OMA1: variants seen among roughly 807,000 people sequenced by gnomAD.
The protein encoded by OMA1 is metalloendopeptidase OMA1, mitochondrial.
In OMA1, 38 loss-of-function variants were observed where a neutral mutation model predicts 30.9. The ratio of observed to expected loss-of-function variants is 1.23; its 90% CI spans 0.95 to 1.61. The LOEUF (loss-of-function observed/expected upper bound fraction) is 1.61, where lower values mean the gene tolerates loss of function less well. Ranked by LOEUF, OMA1 falls within the 40% of genes most tolerant of loss-of-function variation. The pLI, the probability that OMA1 is intolerant of heterozygous loss-of-function variation, is 0.00. For synonymous variants in OMA1, 173 were observed against 121.9 expected, an observed-to-expected ratio of 1.42 and a Z score of -2.76; for missense variants, 461 against 349.2, an observed-to-expected ratio of 1.32 and a Z score of -2.55.
intron 7 of OMA1, among the ~76,000 whole-genome samples, chr1:58,518,792 T>C (rs1282280009): frequency 6.6e-6 from 1 of 152,012 alleles, no homozygotes; most frequent in African/African-American, 2.4e-5. Context: ...ATCTGTGAAA[T>C]AAAGAAGAGG....
intron 6 of OMA1, among the ~76,000 whole-genome samples, chr1:58,529,264 T>C (rs1473857294): frequency 6.6e-6 from 1 of 152,200 alleles, no homozygotes; most frequent in African/African-American, 2.4e-5. Context: ...AGCACCCAGA[T>C]GGCACTCTGA....
chr1:58,531,367 TGAAA>T (rs915073528), intron 5 of OMA1, among the ~76,000 whole-genome samples: 2 of 152,306 alleles, frequency 1.3e-5, no homozygotes, highest in African/African-American at 4.8e-5. Context: ...GTATTTATCA[TGAAA>T]GAATCAGGTT....
intron 7 of OMA1, among the ~76,000 whole-genome samples, chr1:58,516,350 C>G (rs1646157823): frequency 1.3e-5 from 2 of 152,148 alleles, no homozygotes; most frequent in South Asian, 4.1e-4. Context: ...TCTATAATGA[C>G]TGCAAAGTGT....
In OMA1 at chr1:58,539,314, A is replaced by G; in HGVS notation, c.-16-4T>C. 1.2e-6 allele frequency: 1 copy of G among 800,886 alleles called. No homozygotes were observed. Among genetic ancestry groups the G allele is most frequent in the East Asian group, 2.4e-5 (1 of 41,302 alleles). 49.6% of individuals were successfully genotyped at this position (800,886 alleles called of 1,614,324 possible). A position where few individuals can be genotyped will look rare whatever the true frequency, so the allele number is the denominator to read the frequency against. Reference sequence around the variant, plus strand: ...GCTCATTTTTTCACTTGACTACCTGAAACAAAAAAAAAACTATAAATATCT... The same window carrying G: ...GCTCATTTTTTCACTTGACTACCTGGAACAAAAAAAAAACTATAAATATCT... On this transcript the variant is annotated splice_polypyrimidine_tract_variant and splice_region_variant and intron_variant, in intron 1 of 8. Transcript: ENST00000371226.
intron 3 of OMA1, among the ~76,000 whole-genome samples, chr1:58,535,072 T>C (rs904403715): frequency 6.6e-6 from 1 of 152,160 alleles, no homozygotes; most frequent in African/African-American, 2.4e-5. Flanking sequence ...ACTACCAAAA[T>C]AGACATTTCA....
intron 8 of OMA1, among the ~76,000 whole-genome samples, chr1:58,485,093 T>C (rs980557384): frequency 2.6e-5 from 4 of 152,058 alleles, no homozygotes; most frequent in Admixed American, 1.3e-4. Context: ...TAACTAATAT[T>C]ATCACTCTGG....
At chr1:58,535,278 T>G (rs950927494) in intron 3 of OMA1, among the ~76,000 whole-genome samples, 12 of 152,190 alleles carry the variant, frequency 7.9e-5, no homozygotes, top group African/African-American at 2.7e-4. Flanking sequence ...TTACTTTAAC[T>G]TTCATAAAGT....
chr1:58,504,185 T>C (rs1162354905), intron 8 of OMA1, among the ~76,000 whole-genome samples: 1 of 152,246 alleles, frequency 6.6e-6, no homozygotes, highest in Non-Finnish European at 1.5e-5. Context: ...TCACTTGAAG[T>C]GAAAGTCAAG....
intron 8 of OMA1, among the ~76,000 whole-genome samples, chr1:58,492,944 C>A (rs2100382621): frequency 6.6e-6 from 1 of 152,236 alleles, no homozygotes; most frequent in East Asian, 1.9e-4. Context: ...GATACCAAAG[C>A]CTGGCAGAGA....
chr1:58,485,636 A>G (rs992079972), intron 8 of OMA1, among the ~76,000 whole-genome samples: 2 of 151,826 alleles, frequency 1.3e-5, no homozygotes, highest in Non-Finnish European at 1.5e-5. Context: ...TTCATTTTAT[A>G]TATTTCAGGG....
intron 7 of OMA1, among the ~76,000 whole-genome samples, chr1:58,522,422 T>C (rs1156413190): frequency 1.3e-5 from 2 of 152,182 alleles, no homozygotes; most frequent in Non-Finnish European, 2.9e-5. Flanking sequence ...AACTCTTTCA[T>C]TTGATAAAAA....
At position 58,490,763 on chromosome 1, in the gene OMA1, C is replaced by T. The variant is rs190408790; in HGVS notation, c.1366-9589G>A. On this transcript the variant is annotated intron_variant, in intron 8 of 8. Coordinates refer to ENST00000371226, the MANE Select transcript of OMA1 (RefSeq NM_145243.5). ...GATCTCTCAGCAGAAACTCTACAAG[C>T]CAGAAGAGAGTGGGGGCCAATAGTC... Among the ~76,000 whole-genome samples the T allele has an allele frequency of 7.5e-3, 1,112 of 148,954 alleles. 12 individuals are homozygous for T. The highest frequency in any genetic ancestry group is 0.026 in the African/African-American group (1,033 of 40,402).
chr1:58,490,325 T>G (rs1645658539), intron 8 of OMA1, among the ~76,000 whole-genome samples: 1 of 151,998 alleles, frequency 6.6e-6, no homozygotes, highest in Non-Finnish European at 1.5e-5. Flanking sequence ...TTCGATCAAC[T>G]GGAAGAAAAG....
chr1:58,526,601 C>CAA lies in OMA1; in HGVS notation c.1215+658_1215+659dup, dbSNP rs10574530. On this transcript the variant is annotated intron_variant, in intron 7 of 8. Transcript: ENST00000371226. ...GCCCAGAGCTGCTCTCTATGGCTAGCAAAAAAAAAAAAAAAAAGCCATCTG... is the reference window on the plus strand; with the variant it reads ...GCCCAGAGCTGCTCTCTATGGCTAGCAAAAAAAAAAAAAAAAAAAGCCATCTG... Among the ~76,000 whole-genome samples the CAA allele has an allele frequency of 7.4e-5, 9 of 121,372 alleles. 1 individual carries two copies. The highest frequency in any genetic ancestry group is 1.7e-4 in the African/African-American group (5 of 28,986). The allele number at this position is 121,372 out of a possible 152,430, so 79.6% of individuals were successfully genotyped here.
chr1:58,505,843 G>A (rs1292221292), intron 8 of OMA1, among the ~76,000 whole-genome samples: 1 of 152,106 alleles, frequency 6.6e-6, no homozygotes, highest in Non-Finnish European at 1.5e-5. Context: ...TCACTATTAA[G>A]AAAAGTCAAC....
chr1:58,481,833 G>A (rs1205682457), intron 8 of OMA1, among the ~76,000 whole-genome samples: 1 of 152,132 alleles, frequency 6.6e-6, no homozygotes, highest in Non-Finnish European at 1.5e-5. Flanking sequence ...CTGCCGCCAT[G>A]TAAGACATGA....
At chr1:58,487,877 T>C (rs575744621) in intron 8 of OMA1, among the ~76,000 whole-genome samples, 5 of 152,222 alleles carry the variant, frequency 3.3e-5, no homozygotes, top group African/African-American at 1.2e-4. Flanking sequence ...TTCTCCCAAA[T>C]ATTTCAGTTT....
chr1:58,509,908 C>T (rs1453534390), intron 7 of OMA1, among the ~76,000 whole-genome samples: 1 of 151,846 alleles, frequency 6.6e-6, no homozygotes, highest in African/African-American at 2.4e-5. Flanking sequence ...AATGGATAAA[C>T]TCCAAGAAAT....
chr1:58,523,438 C>T (rs556393253), intron 7 of OMA1, among the ~76,000 whole-genome samples: 28 of 152,218 alleles, frequency 1.8e-4, no homozygotes, highest in African/African-American at 6.7e-4. Flanking sequence ...GCAGTAACAA[C>T]CTTTCCCTAA....
Sources: gnomAD v4.1 joint callset for allele counts (sites outside exome capture counted in the v4.1 genomes callset) on GRCh38, gnomAD v4.1.1 for gene constraint, MANE v1.5 for transcripts, NCBI Gene and HGNC (gene_info 2026-07-23, HGNC 2026-07-21) for gene names.